Variants in PHF20 observed in about 807,000 individuals in gnomAD.
PHF20 encodes glioma-expressed antigen 2.
A neutral mutation model predicts 113.5 loss-of-function variants in PHF20; 23 were observed. That is an observed-to-expected ratio of 0.20 (90% CI 0.15 to 0.29). The LOEUF (loss-of-function observed/expected upper bound fraction) is 0.29. Among genes scored for constraint, PHF20 ranks in the 10% least tolerant of loss-of-function variants. The pLI, the probability that PHF20 is intolerant of heterozygous loss-of-function variation, is 1.00. For missense variants in PHF20, 943 were observed against 1,219.6 expected (o/e 0.77, Z 3.38); for synonymous variants, 434 against 457.3 (o/e 0.95, Z 0.65).
At chr20:35,810,992 T>G (rs1207557955) in intron 2 of PHF20, among the ~76,000 whole-genome samples, 2 of 152,260 alleles carry the variant, frequency 1.3e-5, no homozygotes, top group Non-Finnish European at 1.5e-5. Flanking sequence ...TGTGTGTGTA[T>G]GTGTGTATTT....
chr20:35,940,242 C>T (rs2055950467), intron 16 of PHF20, among the ~76,000 whole-genome samples: 1 of 152,136 alleles, frequency 6.6e-6, no homozygotes, highest in South Asian at 2.1e-4. Context: ...TCCTGTGGAT[C>T]AGGCAGGTTT....
At chr20:35,881,653 A>C (rs749506920) in intron 9 of PHF20, among the ~76,000 whole-genome samples, 7 of 152,158 alleles carry the variant, frequency 4.6e-5, no homozygotes, top group Non-Finnish European at 1.0e-4. Flanking sequence ...TTCAGACTTT[A>C]TCAGTTTTTG....
intron 9 of PHF20, 130 bp downstream of exon 9, chr20:35,871,959 A>G: frequency 1.7e-6 from 1 of 595,256 alleles, no homozygotes; most frequent in Non-Finnish European, 2.8e-6. Context: ...TATCATTTTA[A>G]TGTTATGCTC....
intron 4 of PHF20, among the ~76,000 whole-genome samples, chr20:35,850,301 T>TTTTTTTTTTTTTG (rs2042698401): frequency 1.0e-5 from 1 of 97,836 alleles, no homozygotes; most frequent in Non-Finnish European, 2.0e-5. Context: ...CCTCCGTTTT[T>TTTTTTTTTTTTTG]TTTTTTTTTT....
intron 9 of PHF20, among the ~76,000 whole-genome samples, chr20:35,875,163 C>G (rs1336783022): frequency 6.6e-6 from 1 of 151,862 alleles, no homozygotes; most frequent in African/African-American, 2.4e-5. Flanking sequence ...TCTCGGATGC[C>G]TAGGCGGGCA....
intron 2 of PHF20, among the ~76,000 whole-genome samples, chr20:35,836,055 G>A (rs1488172190): frequency 6.6e-6 from 1 of 152,214 alleles, no homozygotes; most frequent in Non-Finnish European, 1.5e-5. Context: ...TGTCCCCAGA[G>A]TAGAGTGCAG....
At chr20:35,835,655 C>T (rs1290313981) in intron 2 of PHF20, among the ~76,000 whole-genome samples, 2 of 152,164 alleles carry the variant, frequency 1.3e-5, no homozygotes, top group Non-Finnish European at 2.9e-5. Flanking sequence ...AGAGTCCGGG[C>T]ACAGTGGCTC....
At position 35,855,282 on chromosome 20, in the gene PHF20, G is replaced by C. The variant is rs905392357; in HGVS notation, c.341-3020G>C. On this transcript the variant is annotated intron_variant, in intron 4 of 17. Transcript: ENST00000374012. ...ATAGGCAGGTAAAAACAGGAACCCA[G>C]ACCTTTGTTGTAAGTACTCATAAGT... The C allele has an allele frequency of 2.2e-6, 3 of 1,335,544 alleles. No individual in the cohort carries two copies. The African/African-American group carries it at 4.5e-5, about 20-fold the overall frequency. The allele number at this position is 1,335,544 out of a possible 1,614,324, so 82.7% of individuals were successfully genotyped here.
intron 2 of PHF20, among the ~76,000 whole-genome samples, chr20:35,817,023 C>G (rs567723400): frequency 1.3e-5 from 2 of 151,558 alleles, no homozygotes; most frequent in East Asian, 3.9e-4. Flanking sequence ...AACTCCTGAT[C>G]TCATGATCCA....
Position 35,863,048 on chromosome 20 carries a change from T to A in PHF20, c.456T>A (p.Asp152Glu). Reference protein sequence around the residue: ...IVGNARPKETDHKSLSSSPDK... With the variant: ...IVGNARPKETEHKSLSSSPDK... ...GTAATGCTAGGCCTAAAGAAACAGATCACAAAAGTCTTTCATCATCTCCTG... is the reference window on the plus strand; with the variant it reads ...GTAATGCTAGGCCTAAAGAAACAGAACACAAAAGTCTTTCATCATCTCCTG... The change falls in exon 6 of 18, where the codon GAT (aspartate) becomes GAA (glutamate). Residue 152 changes from aspartate to glutamate, a missense_variant. This residue lies in a region of PHF20 where 592 missense variants were observed against 787.2 expected (regional missense o/e 0.75). Coordinates refer to ENST00000374012, the MANE Select transcript of PHF20 (RefSeq NM_016436.5). 1 of 1,597,706 alleles carries A rather than the reference T, an allele frequency of 6.3e-7. No homozygotes were observed. The highest frequency in any genetic ancestry group is 8.5e-7 in the Non-Finnish European group (1 of 1,175,892).
chr20:35,839,252 G>A (rs905529834), intron 2 of PHF20, among the ~76,000 whole-genome samples: 3 of 151,654 alleles, frequency 2.0e-5, no homozygotes, highest in Non-Finnish European at 2.9e-5. Flanking sequence ...TTAGCCGGGC[G>A]TGGTGGCGGG....
At chr20:35,804,913 C>T (rs1416914778) in intron 2 of PHF20, among the ~76,000 whole-genome samples, 3 of 151,848 alleles carry the variant, frequency 2.0e-5, no homozygotes, top group Non-Finnish European at 4.4e-5. Flanking sequence ...TTTTTTGAAA[C>T]GCTGTCGAGA....
At chr20:35,872,340 T>C (rs1040368716) in intron 9 of PHF20, among the ~76,000 whole-genome samples, 5 of 152,018 alleles carry the variant, frequency 3.3e-5, no homozygotes, top group African/African-American at 1.2e-4. Flanking sequence ...CTGGCCAGCA[T>C]GGTGAAACCC....
At chr20:35,902,666 T>C (rs1290234834) in intron 10 of PHF20, among the ~76,000 whole-genome samples, 2 of 152,246 alleles carry the variant, frequency 1.3e-5, no homozygotes, top group East Asian at 1.9e-4. Flanking sequence ...TTGAGTAATA[T>C]GTGTCAGCTC....
At chr20:35,784,618 A>G (rs1180954282) in intron 1 of PHF20, among the ~76,000 whole-genome samples, 1 of 149,704 alleles carries the variant, frequency 6.7e-6, no homozygotes, top group African/African-American at 2.5e-5. Flanking sequence ...TATGTTGTTA[A>G]CAGAGATGGA....
chr20:35,948,712 G>A lies in PHF20; in HGVS notation c.*1085G>A, dbSNP rs763571167. 1 of 152,566 alleles carries A rather than the reference G, an allele frequency of 6.6e-6. No homozygotes were observed. The highest frequency in any genetic ancestry group is 1.5e-5 in the Non-Finnish European group (1 of 68,018). The allele number at this position is 152,566 out of a possible 1,614,324, so 9.5% of individuals were successfully genotyped here. ...ATTTGTACCTTTTGAGACAATATTT[G>A]TGTTACTTTTGCAGGTTACGGTTCC... On this transcript the variant is annotated 3_prime_UTR_variant, in exon 18 of 18. Coordinates refer to ENST00000374012, the MANE Select transcript of PHF20 (RefSeq NM_016436.5).
Position 35,842,758 on chromosome 20 carries a change from C to A in PHF20, c.255+14C>A. On this transcript the variant is annotated intron_variant, in intron 3 of 17. Transcript: ENST00000374012. ...GATGGATCTTCTGTGAGTAACAAATCTGGGAAGTTCTGTAGTATGCAAGGT... is the reference window on the plus strand; with the variant it reads ...GATGGATCTTCTGTGAGTAACAAATATGGGAAGTTCTGTAGTATGCAAGGT... 1 of 1,610,540 alleles carries A rather than the reference C, an allele frequency of 6.2e-7. No individual in the cohort carries two copies. The highest frequency in any genetic ancestry group is 1.7e-5 in the Admixed American group (1 of 59,306).
intron 13 of PHF20, among the ~76,000 whole-genome samples, chr20:35,919,016 G>GT (rs200032177): frequency 0.012 from 1,758 of 149,758 alleles, 22 homozygotes; most frequent in East Asian, 0.04. Flanking sequence ...CATGGGTTTG[G>GT]TTTTTTTTTT....
intron 2 of PHF20, among the ~76,000 whole-genome samples, chr20:35,814,217 AATTT>A (rs1387501981): frequency 2.0e-5 from 3 of 151,744 alleles, no homozygotes; most frequent in Non-Finnish European, 4.4e-5. Flanking sequence ...TGATACTTCC[AATTT>A]ATTTATTTAT....
Sources: gnomAD v4.1 joint callset for allele counts (sites outside exome capture counted in the v4.1 genomes callset) on GRCh38, gnomAD v4.1.1 for gene constraint, gnomAD v4.1.1 regional missense constraint, MANE v1.5 for transcripts, NCBI Gene and HGNC (gene_info 2026-07-23, HGNC 2026-07-21) for gene names.